Variants in MUC17 observed in about 807,000 individuals in gnomAD.
The protein encoded by MUC17 is mucin 17, cell surface associated.
A neutral mutation model predicts 170.3 loss-of-function variants in MUC17; 190 were observed. The observed-to-expected ratio is 1.12, with a 90% CI of 0.99 to 1.26. The LOEUF (loss-of-function observed/expected upper bound fraction) is 1.26, where lower values mean the gene tolerates loss of function less well. Among genes scored for constraint, MUC17 ranks in the 50% most tolerant of loss-of-function variants. MUC17 has a pLI of 0.00. For missense variants in MUC17, 6,415 were observed against 5,530.0 expected (o/e 1.16, Z -5.08); for synonymous variants, 2,325 against 2,002.5 (o/e 1.16, Z -4.30).
At position 101,043,708 on chromosome 7, in the gene MUC17, C is replaced by T. The variant is rs1167562347; in HGVS notation, c.12292C>T (p.Pro4098Ser). 5 of 1,614,214 alleles carry T rather than the reference C, an allele frequency of 3.1e-6. No individual in the cohort carries two copies. In the South Asian group the frequency reaches 4.4e-5, roughly 14 times the overall value. Reference protein sequence around the residue: ...AVTTMTTRTKPSTRTTSFPTV... With the variant: ...AVTTMTTRTKSSTRTTSFPTV... Reference sequence around the variant, plus strand: ...CACCACCATGACCACCAGGACAAAACCCAGCACACGGACCACTTCCTTCCC... The same window carrying T: ...CACCACCATGACCACCAGGACAAAATCCAGCACACGGACCACTTCCTTCCC... Residue 4098 changes from proline to serine, a missense_variant, in exon 3 of 13, where the codon CCC becomes TCC. Pro to Ser is a moderately conservative substitution (Grantham distance 74). Transcript: ENST00000306151.
Position 101,037,282 on chromosome 7 carries a change from C to T in MUC17, c.5866C>T (p.Pro1956Ser), listed in dbSNP as rs200456398. ...AACAACTCTTGCTGACACCAGGACA[C>T]CTGTGACCACTTATTCTCAAGCCAG... Reference protein sequence around the residue: ...LSTTLADTRTPVTTYSQASSS... With the variant: ...LSTTLADTRTSVTTYSQASSS... Residue 1956 changes from proline to serine, a missense_variant, in exon 3 of 13, where the codon CCT becomes TCT. Pro to Ser is a moderately conservative substitution (Grantham distance 74). Coordinates refer to ENST00000306151, the MANE Select transcript of MUC17 (RefSeq NM_001040105.2). 1.9e-6 allele frequency: 3 copies of T among 1,611,508 alleles called. No homozygotes were observed. The highest frequency in any genetic ancestry group is 2.7e-5 in the African/African-American group (2 of 74,462).
chr7:101,043,688 C>A lies in MUC17; in HGVS notation c.12272C>A (p.Thr4091Asn). The A allele has an allele frequency of 6.2e-7, 1 of 1,614,176 alleles. No homozygotes were observed. Among genetic ancestry groups the A allele is most frequent in the Non-Finnish European group, 8.5e-7 (1 of 1,180,036 alleles). The change falls in exon 3 of 13, where the codon ACC becomes AAC. Residue 4091 changes from threonine (T) to asparagine (N), a missense_variant. Thr to Asn is a moderately conservative substitution (Grantham distance 65). Coordinates refer to ENST00000306151, the MANE Select transcript of MUC17 (RefSeq NM_001040105.2). ...ACTGTGAACCCTGAGGCTGTCACCA[C>A]CATGACCACCAGGACAAAACCCAGC... is the stretch of plus-strand genomic sequence containing the variant. ...STTVNPEAVTTMTTRTKPSTR... is the reference protein window; with the variant it reads ...STTVNPEAVTNMTTRTKPSTR...
intron 4 of MUC17, chr7:101,048,332 G>A (rs967417956): frequency 5.7e-5 from 20 of 352,816 alleles, no homozygotes; most frequent in Non-Finnish European, 7.7e-5. Context: ...GGTGGCTCTC[G>A]CCTGTAATTC....
rs559809815 is a variant in MUC17 at position 101,039,326 on chromosome 7, G to C, written c.7910G>C (p.Ser2637Thr). The stretch of plus-strand genomic sequence containing the variant: ...AGTGAAGTAAGTACTTCATTAACAA[G>C]TATACTTGTCAGCACCATGCCAGTG... The part of the protein sequence containing the change: ...TPSEVSTSLT[S>T]ILVSTMPVAS... Residue 2637 changes from serine to threonine, a missense_variant, in exon 3 of 13, where the codon AGT becomes ACT. Coordinates refer to ENST00000306151, the MANE Select transcript of MUC17 (RefSeq NM_001040105.2). The C allele has an allele frequency of 2.9e-5, 46 of 1,599,148 alleles. No individual in the cohort carries two copies. The highest frequency in any genetic ancestry group is 1.7e-4 in the Middle Eastern group (1 of 6,056).
At chr7:101,054,942 T>C (rs1316625904) in intron 11 of MUC17, among the ~76,000 whole-genome samples, 2 of 152,266 alleles carry the variant, frequency 1.3e-5, no homozygotes, top group African/African-American at 4.8e-5. Flanking sequence ...ACCCCGTCTC[T>C]ACTAAAAACA....
chr7:101,031,525 C>T (rs1794278378), intron 2 of MUC17, 76 bp from the exon 3 acceptor site: 2 of 1,413,010 alleles, frequency 1.4e-6, no homozygotes, highest in African/African-American at 1.4e-5. Flanking sequence ...CAGTAAAAAG[C>T]CCAACTACAA....
At position 101,040,248 on chromosome 7, in the gene MUC17, G is replaced by A; in HGVS notation, c.8832G>A (p.Glu2944=). Residue 2944 remains glutamate, a synonymous_variant, in exon 3 of 13, where the codon GAG becomes GAA. Coordinates refer to ENST00000306151, the MANE Select transcript of MUC17 (RefSeq NM_001040105.2). ...LVSTVPVAGS[E]ASTLSTTPVD... is the part of the protein sequence containing the mutation. Reference sequence around the variant, plus strand: ...GCACCGTGCCAGTGGCCGGTTCTGAGGCTAGCACCCTTTCAACAACTCCTG... The same window carrying A: ...GCACCGTGCCAGTGGCCGGTTCTGAAGCTAGCACCCTTTCAACAACTCCTG... The A allele has an allele frequency of 6.2e-7, 1 of 1,611,164 alleles. No homozygotes were observed. The highest frequency in any genetic ancestry group is 2.2e-5 in the East Asian group (1 of 44,732).
At chr7:101,050,690 A>AG in intron 7 of MUC17, 55 bp downstream of exon 7, 1 of 1,582,996 alleles carries the variant, frequency 6.3e-7, no homozygotes, top group South Asian at 1.2e-5. Flanking sequence ...CTGGGGCATG[A>AG]CTTTCTTAAT....
At chr7:101,047,711 A>G (rs1042382711) in intron 3 of MUC17, among the ~76,000 whole-genome samples, 1 of 152,088 alleles carries the variant, frequency 6.6e-6, no homozygotes. Context: ...CGCGCCTGTA[A>G]TCTCAGCTAC....
In MUC17 at chr7:101,042,578, C is replaced by T; in HGVS notation, c.11162C>T (p.Thr3721Ile). 6.2e-7 allele frequency: 1 copy of T among 1,613,952 alleles called. No individual in the cohort carries two copies. Among genetic ancestry groups the T allele is most frequent in the Middle Eastern group, 1.7e-4 (1 of 6,060 alleles). ...ACCCTTTCAACACCTTCTGTTGTCA[C>T]CAGCACACCTGTGACCACTTCTACT... is the stretch of plus-strand genomic sequence containing the variant. ...GSTLSTPSVV[T>I]STPVTTSTEA... Residue 3721 changes from threonine to isoleucine, a missense_variant, in exon 3 of 13, where the codon ACC becomes ATC. By Grantham distance (89) the Thr-to-Ile change is moderately conservative (BLOSUM62 -1). Transcript: ENST00000306151.
intron 1 of MUC17, among the ~76,000 whole-genome samples, chr7:101,030,827 C>T (rs540710620): frequency 2.0e-5 from 3 of 152,332 alleles, no homozygotes; most frequent in East Asian, 3.9e-4. Flanking sequence ...CCTTGACCTC[C>T]TGGGCTCAAG....
chr7:101,034,351 A>T lies in MUC17; in HGVS notation c.2935A>T (p.Ser979Cys). Residue 979 changes from serine (S) to cysteine (C), a missense_variant, in exon 3 of 13, where the codon AGT (serine) becomes TGT (cysteine). Transcript: ENST00000306151. The part of the protein sequence containing the change: ...EGTSIPTSTP[S>C]EGTTPLTSTP... ...TACCAGCATACCAACCTCGACTCCT[A>T]GTGAAGGAACGACTCCATTAACAAG... 1.2e-6 allele frequency: 2 copies of T among 1,608,128 alleles called. No individual in the cohort carries two copies. Among genetic ancestry groups the T allele is most frequent in the Non-Finnish European group, 1.7e-6 (2 of 1,177,350 alleles).
rs1000004435 is a variant in MUC17, at chr7:101,039,451, G to T, written c.8035G>T (p.Gly2679Cys). The change falls in exon 3 of 13, where the codon GGT becomes TGT. Residue 2679 changes from glycine (G) to cysteine (C), a missense_variant. Coordinates refer to ENST00000306151, the MANE Select transcript of MUC17 (RefSeq NM_001040105.2). Reference protein sequence around the residue: ...GTSSSPTTAEGSSMPTSTPGE... With the variant: ...GTSSSPTTAECSSMPTSTPGE... The stretch of plus-strand genomic sequence containing the variant: ...CAGTTCATCTCCTACAACTGCTGAA[G>T]GTAGCAGCATGCCAACCTCAACTCC... The T allele has an allele frequency of 3.7e-6, 6 of 1,611,318 alleles. No individual in the cohort carries two copies. Among genetic ancestry groups the T allele is most frequent in the Non-Finnish European group, 5.1e-6 (6 of 1,178,846 alleles).
Position 101,053,378 on chromosome 7 carries a change from A to G in MUC17, c.13305A>G (p.Glu4435=), listed in dbSNP as rs1287043430. Residue 4435 remains glutamate, a synonymous_variant, in exon 11 of 13, where the codon GAA becomes GAG. Coordinates refer to ENST00000306151, the MANE Select transcript of MUC17 (RefSeq NM_001040105.2). ...TGTCTCAGTTATACAAGTGGCAAGA[A>G]GAGGACAGTGGACCAGCTCCTGGGA... The part of the protein sequence containing the change: ...YRLSQLYKWQ[E]EDSGPAPGTF... 6.2e-7 allele frequency: 1 copy of G among 1,614,162 alleles called. No individual in the cohort carries two copies. Among genetic ancestry groups the G allele is most frequent in the East Asian group, 2.2e-5 (1 of 44,888 alleles).
Position 101,043,057 on chromosome 7 carries a change from G to A in MUC17, c.11641G>A (p.Val3881Ile). Reference sequence around the variant, plus strand: ...AAGCACTCCATTAACAACTCTCCTTGTCAGCACCACACTTCCAACTAGCTT... The same window carrying A: ...AAGCACTCCATTAACAACTCTCCTTATCAGCACCACACTTCCAACTAGCTT... ...ERSTPLTTLL[V>I]STTLPTSFPG... The change falls in exon 3 of 13, where the codon GTC becomes ATC. Residue 3881 changes from valine to isoleucine, a missense_variant. Transcript: ENST00000306151. The A allele has an allele frequency of 6.2e-7, 1 of 1,614,118 alleles. No individual in the cohort carries two copies. Among genetic ancestry groups the A allele is most frequent in the Non-Finnish European group, 8.5e-7 (1 of 1,180,038 alleles).
chr7:101,056,209 A>T lies in MUC17; in HGVS notation c.13379A>T (p.His4460Leu). The change falls in exon 12 of 13, where the codon CAC becomes CTC. Residue 4460 changes from histidine (H) to leucine (L), a missense_variant. Physicochemically the swap from His to Leu is moderately conservative, Grantham distance 99. Transcript: ENST00000306151. The part of the protein sequence containing the change: ...FDICQDDDSI[H>L]LESIYSNFQP... ...CCTCCACAAGATGATGATTCCATCC[A>T]CCTGGAGTCCATCTATAGTAATTTC... The T allele has an allele frequency of 6.2e-7, 1 of 1,614,010 alleles. No individual in the cohort carries two copies. The highest frequency in any genetic ancestry group is 8.5e-7 in the Non-Finnish European group (1 of 1,179,912).
intron 12 of MUC17, among the ~76,000 whole-genome samples, chr7:101,057,533 A>G (rs1027686762): frequency 2.6e-5 from 4 of 152,202 alleles, no homozygotes; most frequent in African/African-American, 4.8e-5. Flanking sequence ...GTCTGAAGTC[A>G]GGAGTTTAGG....
At chr7:101,051,703 T>C in intron 8 of MUC17, 22 bp downstream of exon 8, 1 of 1,609,764 alleles carries the variant, frequency 6.2e-7, no homozygotes, top group African/African-American at 1.3e-5. Context: ...CACAAGGGGT[T>C]TGGGGGAAGG....
intron 4 of MUC17, 45 bp downstream of exon 4, chr7:101,048,160 C>T (rs763639613): frequency 1.7e-5 from 25 of 1,499,530 alleles, no homozygotes; most frequent in East Asian, 1.0e-4. Context: ...CCCTGGGACC[C>T]GACCTCCATA....
Sources: allele counts gnomAD v4.1 joint callset (sites outside exome capture counted in the v4.1 genomes callset), GRCh38; gene constraint gnomAD v4.1.1; transcripts MANE v1.5; gene names NCBI Gene and HGNC (gene_info 2026-07-23, HGNC 2026-07-21).